GPHN: variants seen among roughly 807,000 people sequenced by gnomAD.
GPHN encodes gephyrin.
A neutral mutation model predicts 95.5 loss-of-function variants in GPHN; 17 were observed. That is an observed-to-expected ratio of 0.18 (90% CI 0.12 to 0.27). The LOEUF is 0.27. GPHN is among the 10% of genes least tolerant of loss of function. GPHN has a pLI of 1.00. For synonymous variants in GPHN, 320 were observed against 322.5 expected (o/e 0.99, Z 0.08); for missense variants, 660 against 978.1 (o/e 0.67, Z 4.34).
chr14:67,654,929 C>T, the GPHN span, among the ~76,000 whole-genome samples: 11 of 146,002 alleles, frequency 7.5e-5, no homozygotes, highest in East Asian at 6.2e-4. Flanking sequence ...CTCGGGAGGC[C>T]GAGGCAGGAG....
At chr14:67,546,509 G>A in the GPHN span, among the ~76,000 whole-genome samples, 1 of 152,128 alleles carries the variant, frequency 6.6e-6, no homozygotes, top group Admixed American at 6.5e-5. Flanking sequence ...TCCTGCCTTA[G>A]CCTCCCGAGT....
At chr14:67,079,710 T>G (rs763935332) in intron 11 of GPHN, among the ~76,000 whole-genome samples, 1 of 152,086 alleles carries the variant, frequency 6.6e-6, no homozygotes, top group African/African-American at 2.4e-5. Context: ...ATCTTCAGAA[T>G]TGTTTCAATT....
At chr14:67,249,107 C>T in the GPHN span, among the ~76,000 whole-genome samples, 2 of 152,060 alleles carry the variant, frequency 1.3e-5, no homozygotes, top group Admixed American at 6.6e-5. Context: ...GGATTACAGG[C>T]ACCCGCCATC....
At chr14:67,527,257 C>T in the GPHN span, among the ~76,000 whole-genome samples, 1 of 152,206 alleles carries the variant, frequency 6.6e-6, no homozygotes, top group Admixed American at 6.5e-5. Context: ...TTAGCCATGA[C>T]ACTTGGTCTT....
At chr14:67,261,333 A>G in the GPHN span, among the ~76,000 whole-genome samples, 1 of 152,142 alleles carries the variant, frequency 6.6e-6, no homozygotes, top group Admixed American at 6.5e-5. Flanking sequence ...GCAAGAGATA[A>G]TGTATATTAT....
chr14:66,584,234 G>C (rs201658410), intron 1 of GPHN, among the ~76,000 whole-genome samples: 1 of 151,804 alleles, frequency 6.6e-6, no homozygotes, highest in South Asian at 2.1e-4. Context: ...TGCACATTGA[G>C]TTTGTATCCT....
At chr14:66,879,531 A>T (rs1207174824) in intron 4 of GPHN, among the ~76,000 whole-genome samples, 1 of 152,042 alleles carries the variant, frequency 6.6e-6, no homozygotes, top group Non-Finnish European at 1.5e-5. Context: ...AGAGATATGG[A>T]TTATCTCAGG....
chr14:67,387,417 A>G, the GPHN span: 1 of 1,610,396 alleles, frequency 6.2e-7, no homozygotes, highest in South Asian at 1.1e-5. Flanking sequence ...ATCCTTAGTA[A>G]TCACTTTGAA....
chr14:67,434,947 GTC>G, the GPHN span, among the ~76,000 whole-genome samples: 12 of 151,420 alleles, frequency 7.9e-5, no homozygotes, highest in South Asian at 1.3e-3. Flanking sequence ...GCTAGCTCAG[GTC>G]TCTCTTCCTC....
At chr14:66,746,219 G>A (rs2058143213) in intron 2 of GPHN, among the ~76,000 whole-genome samples, 2 of 152,066 alleles carry the variant, frequency 1.3e-5, no homozygotes, top group African/African-American at 4.8e-5. Flanking sequence ...TGGCTCATAT[G>A]ATAAATGTAT....
chr14:67,650,052 AG>A, the GPHN span: 1 of 152,382 alleles, frequency 6.6e-6, no homozygotes, highest in African/African-American at 2.4e-5. Flanking sequence ...ACTGAAGTCC[AG>A]ATAAAATAAT....
At chr14:67,549,418 A>G in the GPHN span, among the ~76,000 whole-genome samples, 1 of 151,818 alleles carries the variant, frequency 6.6e-6, no homozygotes, top group Non-Finnish European at 1.5e-5. Context: ...TTACAGGCAC[A>G]TGCCACCACG....
chr14:66,597,561 A>G (rs1314291776), intron 1 of GPHN, among the ~76,000 whole-genome samples: 2 of 152,170 alleles, frequency 1.3e-5, no homozygotes, highest in Non-Finnish European at 2.9e-5. Flanking sequence ...GAGGCCAGGC[A>G]GCAGGAGCAG....
the GPHN span, among the ~76,000 whole-genome samples, chr14:67,305,561 G>A: frequency 1.1e-4 from 16 of 152,258 alleles, no homozygotes; most frequent in South Asian, 6.2e-4. Flanking sequence ...GATTACAGAC[G>A]TGAGCCACAA....
chr14:66,709,648 T>G (rs1462670248), intron 2 of GPHN, among the ~76,000 whole-genome samples: 1 of 152,186 alleles, frequency 6.6e-6, no homozygotes, highest in Non-Finnish European at 1.5e-5. Context: ...ACAGTTGACC[T>G]TGGAAAGCAA....
At chr14:66,723,456 C>T (rs1166879379) in intron 2 of GPHN, among the ~76,000 whole-genome samples, 4 of 151,912 alleles carry the variant, frequency 2.6e-5, no homozygotes, top group Non-Finnish European at 5.9e-5. Context: ...TTGGATTGCT[C>T]ATGAAAATTT....
At chr14:67,577,933 C>T in the GPHN span, 7 of 1,222,938 alleles carry the variant, frequency 5.7e-6, no homozygotes, top group Non-Finnish European at 8.2e-6. Context: ...ACTCTAACCT[C>T]CCTGGAGCCC....
At chr14:67,428,375 T>C in the GPHN span, among the ~76,000 whole-genome samples, 1 of 152,170 alleles carries the variant, frequency 6.6e-6, no homozygotes, top group African/African-American at 2.4e-5. Context: ...CTCCCCAAGA[T>C]TGGAATAATA....
At chr14:67,369,291 A>G in the GPHN span, among the ~76,000 whole-genome samples, 1 of 152,248 alleles carries the variant, frequency 6.6e-6, no homozygotes, top group South Asian at 2.1e-4. Flanking sequence ...TTTTGTAATG[A>G]TAAAGGGTCA....
Sources: allele counts gnomAD v4.1 joint callset (sites outside exome capture counted in the v4.1 genomes callset), GRCh38; gene constraint gnomAD v4.1.1; transcripts MANE v1.5; gene names NCBI Gene and HGNC (gene_info 2026-07-23, HGNC 2026-07-21).